The following NAALADL2 variants were observed in gnomAD, a reference collection of about 807,000 sequenced individuals.
The protein encoded by NAALADL2 is inactive N-acetylated-alpha-linked acidic dipeptidase-like protein 2.
A neutral mutation model predicts 87.2 loss-of-function variants in NAALADL2; 76 were observed. The observed-to-expected ratio is 0.87, with a 90% CI of 0.72 to 1.05. The LOEUF is 1.05. NAALADL2 is among the 50% of genes least tolerant of loss of function. NAALADL2 has a pLI of 0.00. For missense variants in NAALADL2, 1,089 were observed against 945.8 expected (o/e 1.15, Z -1.99); for synonymous variants, 354 against 331.0 (o/e 1.07, Z -0.75).
intron 2 of NAALADL2, among the ~76,000 whole-genome samples, chr3:175,225,303 T>C (rs1009924994): frequency 2.0e-5 from 3 of 152,148 alleles, no homozygotes; most frequent in African/African-American, 7.2e-5. Context: ...AAAATAAGTA[T>C]ATAACATCTT....
At chr3:175,667,223 GAAAGAAAGAA>G (rs1733221854) in intron 11 of NAALADL2, among the ~76,000 whole-genome samples, 1 of 127,028 alleles carries the variant, frequency 7.9e-6, no homozygotes, top group Non-Finnish European at 1.5e-5. Context: ...AAGAAAGAAA[GAAAGAAAGAA>G]AGAAAGAAAA....
intron 4 of NAALADL2, among the ~76,000 whole-genome samples, chr3:175,314,686 A>ATATGTATATATAGTTCTAAC (rs1553857518): frequency 6.4e-5 from 2 of 31,438 alleles, no homozygotes; most frequent in African/African-American, 2.3e-4. Context: ...ATATATATAT[A>ATATGTATATATAGTTCTAAC]TATATATATA....
intron 5 of NAALADL2, among the ~76,000 whole-genome samples, chr3:175,431,912 T>G (rs770984299): frequency 1.3e-5 from 2 of 152,018 alleles, no homozygotes; most frequent in Non-Finnish European, 2.9e-5. Flanking sequence ...TCATTGCCAC[T>G]ACTCTGTTCA....
chr3:174,503,603 C>A lies in NAALADL2; in HGVS notation c.-183-46966C>A, dbSNP rs183653062. 1.1e-4 allele frequency among the ~76,000 whole-genome samples: 16 copies of A among 152,072 alleles called. No homozygotes were observed. The East Asian group carries it at 3.1e-3, about 29-fold the overall frequency. ...AGTTTAATTATTTGACTACTTAAGA[C>A]TAAAATAGCTCATTGAGATTTGTGC... On this transcript the variant is annotated intron_variant, in intron 1 of 3. Coordinates refer to the NAALADL2 transcript ENST00000434257.
At chr3:174,717,128 A>G (rs1307836417) in intron 2 of NAALADL2, among the ~76,000 whole-genome samples, 2 of 152,202 alleles carry the variant, frequency 1.3e-5, no homozygotes, top group East Asian at 3.8e-4. Context: ...AGATATCTTT[A>G]GAACTGAGAT....
chr3:175,535,503 G>A (rs917471292), intron 9 of NAALADL2, among the ~76,000 whole-genome samples: 1 of 152,134 alleles, frequency 6.6e-6, no homozygotes, highest in Admixed American at 6.5e-5. Context: ...AGTTTACATG[G>A]CCTAACACCT....
chr3:175,600,180 G>C (rs1186789162), intron 10 of NAALADL2, among the ~76,000 whole-genome samples: 1 of 151,588 alleles, frequency 6.6e-6, no homozygotes, highest in Non-Finnish European at 1.5e-5. Flanking sequence ...AATCAAATCA[G>C]TATATATATC....
chr3:174,784,233 G>A (rs1716335808), intron 3 of NAALADL2, among the ~76,000 whole-genome samples: 1 of 152,044 alleles, frequency 6.6e-6, no homozygotes, highest in Admixed American at 6.6e-5. Flanking sequence ...TATCTGCCTT[G>A]AATCCAGATA....
intron 2 of NAALADL2, among the ~76,000 whole-genome samples, chr3:175,220,848 G>A (rs929065157): frequency 4.6e-5 from 7 of 151,972 alleles, no homozygotes; most frequent in African/African-American, 1.4e-4. Context: ...TCTAAGCACT[G>A]CTTTAGCTGA....
chr3:175,709,328 CTT>C (rs1284340802), intron 11 of NAALADL2, among the ~76,000 whole-genome samples: 1 of 152,058 alleles, frequency 6.6e-6, no homozygotes, highest in Non-Finnish European at 1.5e-5. Flanking sequence ...GTTTTATACT[CTT>C]TACATACAGC....
intron 13 of NAALADL2, among the ~76,000 whole-genome samples, chr3:175,767,977 G>A (rs925046235): frequency 2.0e-5 from 3 of 152,156 alleles, no homozygotes; most frequent in African/African-American, 7.2e-5. Context: ...TTCGAAAAAT[G>A]TTTGTTGACT....
At chr3:174,449,074 G>A (rs1420948508) in intron 1 of NAALADL2, among the ~76,000 whole-genome samples, 1 of 152,154 alleles carries the variant, frequency 6.6e-6, no homozygotes, top group African/African-American at 2.4e-5. Flanking sequence ...TGTGAAATAA[G>A]TTCTTGAAGG....
At chr3:175,383,197 GTC>G (rs1767986414) in intron 5 of NAALADL2, among the ~76,000 whole-genome samples, 1 of 151,998 alleles carries the variant, frequency 6.6e-6, no homozygotes, top group African/African-American at 2.4e-5. Flanking sequence ...TTCAGTTACA[GTC>G]TCTTAGTTGT....
intron 1 of NAALADL2, among the ~76,000 whole-genome samples, chr3:175,052,863 G>A (rs539055036): frequency 5.3e-5 from 8 of 152,228 alleles, no homozygotes; most frequent in African/African-American, 1.2e-4. Flanking sequence ...CCAGATATAG[G>A]AACTCTTGCT....
intron 1 of NAALADL2, among the ~76,000 whole-genome samples, chr3:174,917,601 C>A (rs1734585568): frequency 6.6e-6 from 1 of 152,028 alleles, no homozygotes; most frequent in Non-Finnish European, 1.5e-5. Flanking sequence ...TATTATCTTG[C>A]CCATTTCAAG....
At chr3:175,259,447 A>G (rs1171076238) in intron 4 of NAALADL2, among the ~76,000 whole-genome samples, 1 of 152,218 alleles carries the variant, frequency 6.6e-6, no homozygotes, top group African/African-American at 2.4e-5. Flanking sequence ...GAATAGTGGG[A>G]CAGTCCAACT....
chr3:175,439,517 T>G (rs1034338615), intron 5 of NAALADL2, among the ~76,000 whole-genome samples: 3 of 152,006 alleles, frequency 2.0e-5, no homozygotes, highest in African/African-American at 7.2e-5. Flanking sequence ...TTTTTTTAAT[T>G]TTTTGATTAT....
At chr3:174,918,229 A>G (rs181875413) in intron 1 of NAALADL2, among the ~76,000 whole-genome samples, 1 of 152,162 alleles carries the variant, frequency 6.6e-6, no homozygotes, top group African/African-American at 2.4e-5. Flanking sequence ...GTTATTTAGT[A>G]TGCCTACAGA....
intron 12 of NAALADL2, among the ~76,000 whole-genome samples, chr3:175,753,987 G>A (rs1029778841): frequency 1.3e-5 from 2 of 152,088 alleles, no homozygotes; most frequent in African/African-American, 4.8e-5. Flanking sequence ...GTTGTACCTA[G>A]TCTGCTGAGA....
Sources: allele counts gnomAD v4.1 joint callset (sites outside exome capture counted in the v4.1 genomes callset), GRCh38; gene constraint gnomAD v4.1.1; transcripts MANE v1.5; gene names NCBI Gene and HGNC (gene_info 2026-07-23, HGNC 2026-07-21).